Variants in GMEB2 observed in about 807,000 individuals in gnomAD.
GMEB2 encodes the protein glucocorticoid modulatory element binding protein 2, also known as glucocorticoid modulatory element-binding protein 2.
A neutral mutation model predicts 45.7 loss-of-function variants in GMEB2; 7 were observed. The ratio of observed to expected loss-of-function variants is 0.15; its 90% CI spans 0.09 to 0.29. GMEB2 has a LOEUF of 0.29. Ranked by LOEUF, GMEB2 falls within the 10% of genes least tolerant of loss-of-function variation. The pLI is 1.00. For missense variants in GMEB2, 582 were observed against 739.2 expected (o/e 0.79, Z 2.47); for synonymous variants, 322 against 323.6 (o/e 1.00, Z 0.05).
chr20:63,590,934 G>T (rs2083141481), intron 9 of GMEB2, among the ~76,000 whole-genome samples: 1 of 152,122 alleles, frequency 6.6e-6, no homozygotes, highest in Non-Finnish European at 1.5e-5. Context: ...ATGGCCCTCG[G>T]GGTAGACACC....
intron 3 of GMEB2, 31 bp downstream of exon 3, chr20:63,604,711 AG>A (rs754622217): frequency 1.7e-6 from 2 of 1,190,564 alleles, no homozygotes; most frequent in East Asian, 4.6e-5. Context: ...TGCGGCAAGA[AG>A]GCAGACTTCC....
intron 2 of GMEB2, among the ~76,000 whole-genome samples, chr20:63,610,394 G>A (rs911847964): frequency 3.9e-5 from 6 of 152,138 alleles, no homozygotes; most frequent in Non-Finnish European, 8.8e-5. Context: ...GGTGGCGGGC[G>A]CCTGTAGGCC....
chr20:63,604,924 G>T (rs933921773), intron 2 of GMEB2, 84 bp from the exon 3 acceptor site: 13 of 810,098 alleles, frequency 1.6e-5, no homozygotes, highest in Middle Eastern at 2.3e-4. Flanking sequence ...ACAGCGCTTT[G>T]CTGACCTGTT....
chr20:63,597,483 T>C (rs879921716), intron 5 of GMEB2, among the ~76,000 whole-genome samples: 1 of 152,122 alleles, frequency 6.6e-6, no homozygotes, highest in Non-Finnish European at 1.5e-5. Flanking sequence ...TTTACAACGC[T>C]GAAACAGTCA....
intron 1 of GMEB2, among the ~76,000 whole-genome samples, chr20:63,622,133 A>AAAAG (rs1204575781): frequency 6.6e-6 from 1 of 152,230 alleles, no homozygotes; most frequent in African/African-American, 2.4e-5. Context: ...TGTCACAAAA[A>AAAAG]AAAGAAAGAA....
At chr20:63,620,315 G>A (rs200960854) in intron 1 of GMEB2, among the ~76,000 whole-genome samples, 1 of 106,050 alleles carries the variant, frequency 9.4e-6, no homozygotes, top group African/African-American at 2.6e-5. Flanking sequence ...CTTGGAGACA[G>A]GGGAATCTTC....
At chr20:63,599,174 CG>C (rs1298850326) in intron 4 of GMEB2, among the ~76,000 whole-genome samples, 1 of 151,894 alleles carries the variant, frequency 6.6e-6, no homozygotes, top group African/African-American at 2.4e-5. Flanking sequence ...AGCGCTAACG[CG>C]GCCCGCTCCT....
intron 3 of GMEB2, among the ~76,000 whole-genome samples, chr20:63,603,749 G>GA (rs922737532): frequency 3.4e-5 from 5 of 146,916 alleles, no homozygotes; most frequent in Non-Finnish European, 6.0e-5. Context: ...CTCAAAAAAA[G>GA]AAAAAAAAAG....
chr20:63,621,014 A>T (rs907012166), intron 1 of GMEB2, among the ~76,000 whole-genome samples: 2 of 152,232 alleles, frequency 1.3e-5, no homozygotes, highest in African/African-American at 4.8e-5. Context: ...AACAGGAGTT[A>T]TAACCAAACA....
At chr20:63,600,889 A>G (rs1388507814) in intron 4 of GMEB2, among the ~76,000 whole-genome samples, 1 of 152,034 alleles carries the variant, frequency 6.6e-6, no homozygotes, top group African/African-American at 2.4e-5. Flanking sequence ...GAAGAACACC[A>G]CAGACCTGCT....
Position 63,592,965 on chromosome 20 carries a change from C to T in GMEB2, c.691+46G>A. 2 of 1,344,434 alleles carry T rather than the reference C, an allele frequency of 1.5e-6. No individual in the cohort carries two copies. The highest frequency in any genetic ancestry group is 2.1e-6 in the Non-Finnish European group (2 of 948,510). 83.3% of individuals were successfully genotyped at this position (1,344,434 alleles called of 1,614,324 possible). On this transcript the variant is annotated intron_variant, in intron 7 of 9. Transcript: ENST00000370077. This position sits in a 1 kb window ranked among gnomAD's most constrained non-coding sequence, Gnocchi z 8.2. Reference sequence around the variant, plus strand: ...GGCCCGAGGTGGGCAGAGACTCCACCACCCCGCCAGGGCTTGTGAGAAGCC... The same window carrying T: ...GGCCCGAGGTGGGCAGAGACTCCACTACCCCGCCAGGGCTTGTGAGAAGCC...
At position 63,595,672 on chromosome 20, in the gene GMEB2, C is replaced by T. The variant is rs143562557; in HGVS notation, c.557G>A (p.Arg186His). ...CGACGTGGGGCTGCTCAGGGACACA[C>T]GGGCTCCTGAGAGGTCAATCTTTGT... ...RSTKIDLSGA[R>H]VSLSSPTSAE... Residue 186 changes from arginine (R) to histidine (H), a missense_variant, in exon 6 of 10, where the codon CGT becomes CAT. Around this residue, in one of 3 missense-constraint regions of GMEB2, gnomAD observed 462 missense variants for 586.7 expected, o/e 0.79. Coordinates refer to ENST00000370077, the MANE Select transcript of GMEB2 (RefSeq NM_012384.5). 1.9e-6 allele frequency: 3 copies of T among 1,613,710 alleles called. No individual in the cohort carries two copies. The highest frequency in any genetic ancestry group is 1.3e-5 in the African/African-American group (1 of 75,064).
chr20:63,589,775 CT>C lies in GMEB2; in HGVS notation c.*313del. On this transcript the variant is annotated 3_prime_UTR_variant, in exon 10 of 10. Coordinates refer to ENST00000370077, the MANE Select transcript of GMEB2 (RefSeq NM_012384.5). ...TGTCTCTGCTGCACCCAGGCTCCCC[CT>C]AGCCCCCGCCCACCTGGCTCCTGAT... 1 of 266,102 alleles carries C rather than the reference CT, an allele frequency of 3.8e-6. No individual in the cohort carries two copies. Among genetic ancestry groups the C allele is most frequent in the Non-Finnish European group, 7.1e-6 (1 of 141,644 alleles). The allele number at this position is 266,102 out of a possible 1,614,324, so 16.5% of individuals were successfully genotyped here. A position where few individuals can be genotyped will look rare whatever the true frequency, so the allele number is the denominator to read the frequency against.
chr20:63,626,445 ATCGCGTCCCTGCGGGTCGGGTGCCTG>A (rs2089673502), intron 1 of GMEB2, among the ~76,000 whole-genome samples: 1 of 11,486 alleles, frequency 8.7e-5, no homozygotes, highest in African/African-American at 2.5e-4. Flanking sequence ...GCCCCTGGGG[ATCGCGTCCCTGCGGGTCGGGTGCCTG>A]CGGGGTGGTC....
chr20:63,608,899 A>AC (rs1296304928), intron 2 of GMEB2, among the ~76,000 whole-genome samples: 7 of 22,124 alleles, frequency 3.2e-4, no homozygotes, highest in Non-Finnish European at 9.3e-4. Context: ...TGCCCCTCTG[A>AC]CCTCACCTCC....
Position 63,601,762 on chromosome 20 carries a change from G to A in GMEB2, c.357+1203C>T, listed in dbSNP as rs1011793430. 9.8e-5 allele frequency among the ~76,000 whole-genome samples: 15 copies of A among 152,362 alleles called. No individual in the cohort carries two copies. The East Asian group carries it at 1.3e-3, about 14-fold the overall frequency. On this transcript the variant is annotated intron_variant, in intron 4 of 9. Coordinates refer to ENST00000370077, the MANE Select transcript of GMEB2 (RefSeq NM_012384.5). ...CAACAGCCGAGGCTGCTGCAGGGCC[G>A]ACTCTGCAGCCTGTGGCTTCTGTGG... is the stretch of plus-strand genomic sequence containing the variant.
intron 1 of GMEB2, among the ~76,000 whole-genome samples, chr20:63,623,723 G>C (rs984690590): frequency 6.6e-6 from 1 of 151,858 alleles, no homozygotes; most frequent in Non-Finnish European, 1.5e-5. Context: ...GCTTGAACCT[G>C]GGCAGCAGAG....
At chr20:63,598,706 G>A (rs185505659) in intron 4 of GMEB2, among the ~76,000 whole-genome samples, 76 of 152,256 alleles carry the variant, frequency 5.0e-4, no homozygotes, top group South Asian at 4.6e-3. Context: ...GGAACACTAA[G>A]CCCAGCCAGT....
intron 5 of GMEB2, among the ~76,000 whole-genome samples, chr20:63,597,327 A>T (rs994421893): frequency 8.0e-5 from 12 of 149,960 alleles, no homozygotes; most frequent in Non-Finnish European, 1.3e-4. Flanking sequence ...AATCCAGATA[A>T]TTTTTTTTTT....
Sources: allele counts gnomAD v4.1 joint callset (sites outside exome capture counted in the v4.1 genomes callset), GRCh38; gene constraint gnomAD v4.1.1; regional missense constraint gnomAD v4.1.1; non-coding constraint Gnocchi (gnomAD v3.1); transcripts MANE v1.5; gene names NCBI Gene and HGNC (gene_info 2026-07-23, HGNC 2026-07-21).